PPM1H: variants seen among roughly 807,000 people sequenced by gnomAD.
PPM1H encodes the protein protein phosphatase, Mg2+/Mn2+ dependent 1H.
Under a neutral mutation model 54.9 loss-of-function variants are expected in PPM1H, and 27 were observed. That is an observed-to-expected ratio of 0.49 (90% CI 0.36 to 0.68). The LOEUF (loss-of-function observed/expected upper bound fraction) is 0.68, where lower values mean the gene tolerates loss of function less well. Ranked by LOEUF, PPM1H falls within the 30% of genes least tolerant of loss-of-function variation. The pLI is 0.00. For missense variants in PPM1H, 596 were observed against 667.8 expected, an observed-to-expected ratio of 0.89 and a Z score of 1.19; for synonymous variants, 305 against 270.8, an observed-to-expected ratio of 1.13 and a Z score of -1.24.
intron 1 of PPM1H, among the ~76,000 whole-genome samples, chr12:62,836,188 A>G (rs1868498801): frequency 1.3e-5 from 2 of 152,254 alleles, no homozygotes; most frequent in Non-Finnish European, 2.9e-5. Context: ...ACGAATCATC[A>G]TACCTTTGGT....
chr12:62,790,255 T>C (rs190139204), intron 3 of PPM1H, among the ~76,000 whole-genome samples: 1 of 152,284 alleles, frequency 6.6e-6, no homozygotes. Context: ...ACAGAAGAGC[T>C]TGAGCTTAGG....
At chr12:62,835,859 A>C (rs909564621) in intron 1 of PPM1H, among the ~76,000 whole-genome samples, 1 of 152,232 alleles carries the variant, frequency 6.6e-6, no homozygotes, top group African/African-American at 2.4e-5. Context: ...ACCAGTATCA[A>C]CTTAAATATT....
At chr12:62,712,220 G>A (rs1313968455) in intron 6 of PPM1H, among the ~76,000 whole-genome samples, 2 of 152,162 alleles carry the variant, frequency 1.3e-5, no homozygotes, top group Admixed American at 1.3e-4. Flanking sequence ...TCTCCATCCT[G>A]GATAATCTAT....
rs191054732 is a variant in PPM1H, at chr12:62,780,911, A to G, written c.869+7315T>C. On this transcript the variant is annotated intron_variant, in intron 4 of 9. Transcript: ENST00000228705. ...AGAAAAGGTGACTATCTCGATCACA[A>G]TAATCTCACGCCAGCATTTCTAAGT... Among the ~76,000 whole-genome samples the G allele has an allele frequency of 1.1e-4, 16 of 152,318 alleles. No homozygotes were observed. In the East Asian group the frequency reaches 1.7e-3, roughly 17 times the overall value.
intron 3 of PPM1H, chr12:62,788,614 A>G (rs2076686896): frequency 3.1e-6 from 1 of 319,534 alleles, no homozygotes; most frequent in Non-Finnish European, 5.8e-6. Flanking sequence ...TGTAAGTTGT[A>G]TTCAGTAAAT....
At chr12:62,722,714 T>C (rs342172) in intron 5 of PPM1H, among the ~76,000 whole-genome samples, 17,749 of 152,182 alleles carry the variant, frequency 0.12, 1,427 homozygotes, top group African/African-American at 0.21. Context: ...GAAGAAATCA[T>C]TGAATGAATA....
chr12:62,832,885 A>C (rs1035337258), intron 1 of PPM1H, among the ~76,000 whole-genome samples: 2 of 152,144 alleles, frequency 1.3e-5, no homozygotes, highest in Non-Finnish European at 2.9e-5. Flanking sequence ...AATACTCATC[A>C]CACTGGGCTA....
rs936822708 is a variant in PPM1H, at chr12:62,678,321, T to C, written c.1246-10992A>G. Among the ~76,000 whole-genome samples the C allele has an allele frequency of 6.6e-5, 10 of 152,206 alleles. 1 individual carries two copies. Among genetic ancestry groups the C allele is most frequent in the Non-Finnish European group, 4.4e-5 (3 of 68,048 alleles). ...ATAAATATAAAAAAGATATAGCATATTTAGCTGAAACATCCAAATGAAATT... is the reference window on the plus strand; with the variant it reads ...ATAAATATAAAAAAGATATAGCATACTTAGCTGAAACATCCAAATGAAATT... On this transcript the variant is annotated intron_variant, in intron 8 of 9. Coordinates refer to ENST00000228705, the MANE Select transcript of PPM1H (RefSeq NM_020700.2).
At chr12:62,717,808 C>A (rs2076243799) in intron 6 of PPM1H, among the ~76,000 whole-genome samples, 1 of 152,170 alleles carries the variant, frequency 6.6e-6, no homozygotes, top group Non-Finnish European at 1.5e-5. Context: ...AAGCATCTGG[C>A]CCATTAAAGT....
chr12:62,817,389 C>G (rs2641548), intron 2 of PPM1H, among the ~76,000 whole-genome samples: 29,093 of 150,854 alleles, frequency 0.19, 3,610 homozygotes, highest in African/African-American at 0.35. Context: ...GTGAACCTGG[C>G]AGGCGGAGCT....
intron 5 of PPM1H, among the ~76,000 whole-genome samples, chr12:62,721,659 G>T (rs541066399): frequency 6.6e-6 from 1 of 152,268 alleles, no homozygotes; most frequent in African/African-American, 2.4e-5. Flanking sequence ...GGTCAACAGT[G>T]GTGCTTTGGG....
intron 9 of PPM1H, among the ~76,000 whole-genome samples, chr12:62,655,123 C>G (rs1351824106): frequency 6.6e-6 from 1 of 152,170 alleles, no homozygotes; most frequent in Non-Finnish European, 1.5e-5. Context: ...CAGTGAAACT[C>G]AGCAACAGCA....
At chr12:62,665,483 G>C (rs79660584) in intron 9 of PPM1H, among the ~76,000 whole-genome samples, 1,850 of 152,198 alleles carry the variant, frequency 0.012, 39 homozygotes, top group African/African-American at 0.042. Context: ...TTCTTTTAGA[G>C]CACCTTAGGC....
chr12:62,744,631 T>C (rs758901930), intron 4 of PPM1H, among the ~76,000 whole-genome samples: 5 of 152,230 alleles, frequency 3.3e-5, no homozygotes, highest in Non-Finnish European at 7.3e-5. Context: ...AGGAGTCTGA[T>C]TCCATGCCCG....
rs140417668 is a variant in PPM1H, at chr12:62,735,554, T to C, written c.954+1948A>G. On this transcript the variant is annotated intron_variant, in intron 5 of 9. Transcript: ENST00000228705. ...CTTTCGTTCAGTAAACAGATACTGG[T>C]TCTATATCTCCCTTGTGCCAGGTGC... 4.6e-4 allele frequency among the ~76,000 whole-genome samples: 70 copies of C among 152,298 alleles called. 1 individual carries two copies. The highest frequency in any genetic ancestry group is 1.6e-3 in the African/African-American group (67 of 41,568).
chr12:62,787,270 A>G (rs959764385), intron 4 of PPM1H, among the ~76,000 whole-genome samples: 2 of 152,116 alleles, frequency 1.3e-5, no homozygotes, highest in African/African-American at 4.8e-5. Flanking sequence ...CAAGCAGGAG[A>G]GCCCACAAGA....
chr12:62,900,144 G>A (rs1871122132), intron 1 of PPM1H, among the ~76,000 whole-genome samples: 1 of 152,224 alleles, frequency 6.6e-6, no homozygotes, highest in African/African-American at 2.4e-5. Flanking sequence ...ACACCGAGCT[G>A]TAGTCTCAGT....
chr12:62,677,263 G>A (rs1008801901), intron 8 of PPM1H, among the ~76,000 whole-genome samples: 2 of 152,218 alleles, frequency 1.3e-5, no homozygotes, highest in African/African-American at 4.8e-5. Context: ...CTTCCTGGAT[G>A]TGGGACAAGA....
At position 62,801,922 on chromosome 12, in the gene PPM1H, C is replaced by T. The variant is rs745843860; in HGVS notation, c.650G>A (p.Gly217Glu). The T allele has an allele frequency of 6.2e-6, 10 of 1,613,144 alleles. No homozygotes were observed. The Admixed American group carries it at 1.7e-4, about 27-fold the overall frequency. Residue 217 changes from glycine (G) to glutamate (E), a missense_variant, in exon 3 of 10, where the codon GGG becomes GAG. Around this residue, in one of 3 missense-constraint regions of PPM1H, gnomAD observed 382 missense variants for 387.1 expected, o/e 0.99. Coordinates refer to ENST00000228705, the MANE Select transcript of PPM1H (RefSeq NM_020700.2). ...GGGCGTGCTGGGGGAGCCCGGGGCC[C>T]CCACCCCTCCGCGCAGGGAGGCTGC... is the stretch of plus-strand genomic sequence containing the variant. ...TRAASLRGGVGAPGSPSTPPT... is the reference protein window; with the variant it reads ...TRAASLRGGVEAPGSPSTPPT...
Sources: gnomAD v4.1 joint callset for allele counts (sites outside exome capture counted in the v4.1 genomes callset) on GRCh38, gnomAD v4.1.1 for gene constraint, gnomAD v4.1.1 regional missense constraint, MANE v1.5 for transcripts, NCBI Gene and HGNC (gene_info 2026-07-23, HGNC 2026-07-21) for gene names.